Variants in TEX26 observed in about 807,000 individuals in gnomAD.
The protein encoded by TEX26 is testis expressed 26.
TEX26 carries 34 observed loss-of-function variants against 35.3 expected under a neutral mutation model. That is an observed-to-expected ratio of 0.96 (90% CI 0.73 to 1.28). TEX26 has a LOEUF of 1.28. Among genes scored for constraint, TEX26 ranks in the 50% most tolerant of loss-of-function variants. The pLI is 0.00. For missense variants in TEX26, 371 were observed against 330.1 expected, an observed-to-expected ratio of 1.12 and a Z score of -0.96; for synonymous variants, 136 against 111.8, an observed-to-expected ratio of 1.22 and a Z score of -1.36.
chr13:30,971,857 G>A (rs1387072406), intron 6 of TEX26, among the ~76,000 whole-genome samples: 1 of 152,140 alleles, frequency 6.6e-6, no homozygotes, highest in Non-Finnish European at 1.5e-5. Context: ...CTGATACCCA[G>A]TTTTCTGTGA....
intron 2 of TEX26, among the ~76,000 whole-genome samples, chr13:30,945,209 C>A (rs1209393685): frequency 6.6e-6 from 1 of 150,490 alleles, no homozygotes; most frequent in Non-Finnish European, 1.5e-5. Context: ...CTTTCTTTGT[C>A]TTTTTTTTTA....
At chr13:30,943,514 G>C (rs1443712907) in intron 2 of TEX26, among the ~76,000 whole-genome samples, 1 of 152,104 alleles carries the variant, frequency 6.6e-6, no homozygotes, top group Non-Finnish European at 1.5e-5. Context: ...AATAGAAGTG[G>C]TGAAAGTGGG....
intron 6 of TEX26, among the ~76,000 whole-genome samples, chr13:30,974,131 A>AATATATATATATATATATATATAT (rs1555271791): frequency 4.7e-5 from 4 of 84,410 alleles, no homozygotes; most frequent in Admixed American, 1.6e-4. Flanking sequence ...AAAAAAAAAA[A>AATATATATATATATATATATATAT]ATATATATAT....
intron 6 of TEX26, among the ~76,000 whole-genome samples, chr13:30,972,965 G>C (rs1250406086): frequency 1.3e-5 from 2 of 152,212 alleles, no homozygotes; most frequent in East Asian, 3.8e-4. Flanking sequence ...TTTGGAAACA[G>C]GTCTGGCAGC....
intron 1 of TEX26, chr13:30,933,044 G>A (rs74043598): frequency 4.6e-4 from 176 of 380,122 alleles, no homozygotes; most frequent in African/African-American, 3.0e-3. Flanking sequence ...CTGGCTAAGA[G>A]GGGACAGGAA....
chr13:30,945,108 T>G (rs1340697466), intron 2 of TEX26, among the ~76,000 whole-genome samples: 1 of 152,038 alleles, frequency 6.6e-6, no homozygotes, highest in African/African-American at 2.4e-5. Flanking sequence ...GTAAATATTT[T>G]ATGAATCTGG....
Position 30,954,317 on chromosome 13 carries a change from CACAT to C in TEX26, c.312+1494_312+1497del, listed in dbSNP as rs1273180773. Among the ~76,000 whole-genome samples, 17 of 113,118 alleles carry C rather than the reference CACAT, an allele frequency of 1.5e-4. No homozygotes were observed. The East Asian group carries it at 2.3e-3, about 15-fold the overall frequency. 74.2% of individuals were successfully genotyped at this position (113,118 alleles called of 152,430 possible). On this transcript the variant is annotated intron_variant, in intron 3 of 6. Transcript: ENST00000380473. ...ACACACACACACACACACACACACA[CACAT>C]ATATGTATGTATATATCTCTTGGAG... is the stretch of plus-strand genomic sequence containing the variant.
At chr13:30,962,940 A>G (rs1954399978) in intron 4 of TEX26, among the ~76,000 whole-genome samples, 1 of 151,312 alleles carries the variant, frequency 6.6e-6, no homozygotes, top group South Asian at 2.1e-4. Context: ...CTCCTGCCTG[A>G]GCCTCCCGAG....
rs889817218 is a variant in TEX26, at chr13:30,942,525, T to C, written c.146+2747T>C. On this transcript the variant is annotated intron_variant, in intron 2 of 6. Transcript: ENST00000380473. Reference sequence around the variant, plus strand: ...ATAAAAGCATTTTAGTTAAATTAGGTCCCATTTATTTATTTATTTTTGTTG... The same window carrying C: ...ATAAAAGCATTTTAGTTAAATTAGGCCCCATTTATTTATTTATTTTTGTTG... 5.9e-5 allele frequency among the ~76,000 whole-genome samples: 9 copies of C among 152,124 alleles called. No homozygotes were observed. The South Asian group carries it at 6.2e-4, about 11-fold the overall frequency.
At chr13:30,934,533 A>G (rs561613927) in intron 1 of TEX26, among the ~76,000 whole-genome samples, 1 of 152,346 alleles carries the variant, frequency 6.6e-6, no homozygotes, top group African/African-American at 2.4e-5. Flanking sequence ...CCTGAAATCA[A>G]GGTCTGGACA....
intron 2 of TEX26, among the ~76,000 whole-genome samples, chr13:30,948,776 T>C (rs531916506): frequency 6.6e-6 from 1 of 152,228 alleles, no homozygotes; most frequent in South Asian, 2.1e-4. Flanking sequence ...TGGCTTTTGT[T>C]GCCATTGCTT....
chr13:30,934,699 C>G (rs575561646), intron 1 of TEX26, among the ~76,000 whole-genome samples: 1 of 152,150 alleles, frequency 6.6e-6, no homozygotes, highest in African/African-American at 2.4e-5. Context: ...CCATGGAGCC[C>G]GTGGGAGCTG....
intron 1 of TEX26, among the ~76,000 whole-genome samples, chr13:30,934,738 T>C (rs1953205245): frequency 6.6e-6 from 1 of 152,200 alleles, no homozygotes; most frequent in South Asian, 2.1e-4. Flanking sequence ...GGGAGCTCCC[T>C]GTGCCGCTAC....
In TEX26 at chr13:30,964,502, T is replaced by C. The variant is rs115317456; in HGVS notation, c.470-1720T>C. ...AGAACTGATATAGGAACTGAAAACATTTACTATTGAATGGTAGCTCTAGGG... is the reference window on the plus strand; with the variant it reads ...AGAACTGATATAGGAACTGAAAACACTTACTATTGAATGGTAGCTCTAGGG... On this transcript the variant is annotated intron_variant, in intron 4 of 6. Transcript: ENST00000380473. Among the ~76,000 whole-genome samples the C allele has an allele frequency of 9.1e-3, 1,382 of 152,320 alleles. 27 individuals carry two copies. The highest frequency in any genetic ancestry group is 0.03 in the African/African-American group (1,267 of 41,568).
At chr13:30,952,887 A>G (rs1294606936) in intron 3 of TEX26, 62 bp downstream of exon 3, 1 of 1,408,564 alleles carries the variant, frequency 7.1e-7, no homozygotes, top group Non-Finnish European at 9.7e-7. Flanking sequence ...ACTCATAAGA[A>G]TGAGAGTTTA....
In TEX26 at chr13:30,974,873, G is replaced by T. The variant is rs771596205; in HGVS notation, c.836G>T (p.Arg279Leu). The stretch of plus-strand genomic sequence containing the variant: ...AGACAAATTATTGATCGCTTTATTC[G>T]TACTCACTGTGACACTAACAAAAAG... Reference protein sequence around the residue: ...KDRQIIDRFIRTHCDTNKKKK With the variant: ...KDRQIIDRFILTHCDTNKKKK The change falls in exon 7 of 7, where the codon CGT becomes CTT. Residue 279 changes from arginine to leucine, a missense_variant. Transcript: ENST00000380473. The T allele has an allele frequency of 6.4e-7, 1 of 1,559,416 alleles. No individual in the cohort carries two copies. The highest frequency in any genetic ancestry group is 8.6e-7 in the Non-Finnish European group (1 of 1,157,900).
chr13:30,966,684 C>T (rs1954548647), intron 5 of TEX26, among the ~76,000 whole-genome samples: 1 of 152,162 alleles, frequency 6.6e-6, no homozygotes, highest in Admixed American at 6.5e-5. Flanking sequence ...GGTGATCCAC[C>T]TGCCTCGGCC....
intron 5 of TEX26, among the ~76,000 whole-genome samples, chr13:30,966,961 C>T (rs1370944651): frequency 6.6e-6 from 1 of 152,194 alleles, no homozygotes; most frequent in African/African-American, 2.4e-5. Context: ...AAATGAGTAT[C>T]ATCCCTGCTG....
chr13:30,951,922 TA>T (rs34496998), intron 2 of TEX26, among the ~76,000 whole-genome samples: 3 of 119,238 alleles, frequency 2.5e-5, no homozygotes, highest in Admixed American at 9.2e-5. Context: ...ATTTAATCTT[TA>T]AAAAAAAAGA....
Sources: gnomAD v4.1 joint callset for allele counts (sites outside exome capture counted in the v4.1 genomes callset) on GRCh38, gnomAD v4.1.1 for gene constraint, MANE v1.5 for transcripts, NCBI Gene and HGNC (gene_info 2026-07-23, HGNC 2026-07-21) for gene names.